TCF20: variants seen among roughly 807,000 people sequenced by gnomAD.
TCF20 encodes transcription factor 20.
In TCF20, 3 loss-of-function variants were observed where a neutral mutation model predicts 148.6. The observed-to-expected ratio is 0.02, with a 90% CI of 0.01 to 0.05. TCF20 has a LOEUF of 0.05. Among genes scored for constraint, TCF20 ranks in the 10% least tolerant of loss-of-function variants. The pLI is 1.00. For synonymous variants in TCF20, 1,049 were observed against 909.5 expected (o/e 1.15, Z -2.76); for missense variants, 2,350 against 2,429.3 (o/e 0.97, Z 0.69).
At chr22:42,251,708 G>C (rs1925386124) in intron 1 of TCF20, among the ~76,000 whole-genome samples, 1 of 150,412 alleles carries the variant, frequency 6.6e-6, no homozygotes, top group South Asian at 2.1e-4. Flanking sequence ...TTGCCATGTT[G>C]GCCAGGCTGG....
chr22:42,194,811 GC>G (rs1448027449), intron 2 of TCF20, among the ~76,000 whole-genome samples: 2 of 151,920 alleles, frequency 1.3e-5, no homozygotes, highest in African/African-American at 4.8e-5. Context: ...TCTAGTAGTG[GC>G]AGGTCCAAGT....
chr22:42,182,939 G>A (rs988771088), intron 2 of TCF20, among the ~76,000 whole-genome samples: 7 of 152,208 alleles, frequency 4.6e-5, no homozygotes, highest in African/African-American at 1.7e-4. Flanking sequence ...GTTTCAACAT[G>A]TTGGCCAGGC....
chr22:42,272,176 C>T (rs946677229), upstream of TCF20, among the ~76,000 whole-genome samples: 10 of 152,350 alleles, frequency 6.6e-5, no homozygotes, highest in Non-Finnish European at 1.2e-4. Context: ...CGGGGCCCTG[C>T]CCTCTGATTA....
At chr22:42,324,846 T>C (rs550602599) in intron 1 of TCF20, among the ~76,000 whole-genome samples, 9 of 152,242 alleles carry the variant, frequency 5.9e-5, no homozygotes, top group African/African-American at 9.6e-5. Context: ...ATTATCTCCA[T>C]CTTGCAGGTG....
intron 1 of TCF20, among the ~76,000 whole-genome samples, chr22:42,259,134 C>CTCCA (rs1312860728): frequency 6.6e-6 from 1 of 152,184 alleles, no homozygotes; most frequent in Non-Finnish European, 1.5e-5. Context: ...CTGGAGTTTC[C>CTCCA]TCCAGCCTGT....
chr22:42,173,325 C>G (rs1258718326), intron 3 of TCF20, among the ~76,000 whole-genome samples: 1 of 150,966 alleles, frequency 6.6e-6, no homozygotes, highest in Middle Eastern at 3.5e-3. Context: ...TATGACATAA[C>G]AAGCAACACA....
chr22:42,218,265 T>A (rs970686388), intron 1 of TCF20, among the ~76,000 whole-genome samples: 2 of 152,202 alleles, frequency 1.3e-5, no homozygotes, highest in African/African-American at 4.8e-5. Context: ...GTCTTCCACA[T>A]GGTCAGTAAA....
intron 1 of TCF20, among the ~76,000 whole-genome samples, chr22:42,231,868 G>T (rs1201300552): frequency 6.8e-6 from 1 of 147,346 alleles, no homozygotes; most frequent in African/African-American, 2.5e-5. Flanking sequence ...GGCGGAGCTT[G>T]CAGTGAGCCA....
At chr22:42,230,996 T>TAA (rs59934107) in intron 1 of TCF20, among the ~76,000 whole-genome samples, 1 of 151,114 alleles carries the variant, frequency 6.6e-6, no homozygotes, top group African/African-American at 2.4e-5. Context: ...CCGTCTCTAC[T>TAA]AAAAAAAACA....
chr22:42,271,619 C>A (rs1926624787), upstream of TCF20, among the ~76,000 whole-genome samples: 1 of 152,202 alleles, frequency 6.6e-6, no homozygotes, highest in South Asian at 2.1e-4. Flanking sequence ...TGACCTTTGA[C>A]CTGGCCAAAT....
upstream of TCF20, among the ~76,000 whole-genome samples, chr22:42,270,708 G>C (rs1926570670): frequency 1.4e-5 from 2 of 143,814 alleles, no homozygotes; most frequent in South Asian, 4.2e-4. Flanking sequence ...CGCGGCGCGC[G>C]GGCGGGCGGG....
At position 42,210,858 on chromosome 22, in the gene TCF20, A is replaced by G; in HGVS notation, c.4448T>C (p.Leu1483Pro). 1 of 1,614,226 alleles carries G rather than the reference A, an allele frequency of 6.2e-7. No homozygotes were observed. Among genetic ancestry groups the G allele is most frequent in the South Asian group, 1.1e-5 (1 of 91,090 alleles). The change falls in exon 2 of 6, where the codon CTG becomes CCG. Residue 1483 changes from leucine (L) to proline (P), a missense_variant. Transcript: ENST00000677622. The surrounding 1 kb of genome is among the most constrained non-coding windows in gnomAD (Gnocchi z 4.7). ...GSNQGRPDGS[L>P]GGTAPLIFPD... ...AAAGATTAAAGGTGCTGTTCCACCCAGGGAACCATCTGGTCTCCCTTGGTT... is the reference window on the plus strand; with the variant it reads ...AAAGATTAAAGGTGCTGTTCCACCCGGGGAACCATCTGGTCTCCCTTGGTT...
chr22:42,251,520 T>TTTTTTTG (rs1555947166), intron 1 of TCF20, among the ~76,000 whole-genome samples: 8 of 115,812 alleles, frequency 6.9e-5, no homozygotes, highest in African/African-American at 2.0e-4. Flanking sequence ...TTTTTTTTTT[T>TTTTTTTG]GAGACAGAAT....
intron 1 of TCF20, among the ~76,000 whole-genome samples, chr22:42,282,901 C>CGG (rs134895): frequency 0.66 from 100,324 of 151,842 alleles, 33,858 homozygotes; most frequent in Non-Finnish European, 0.74. Context: ...CCAAATAAAG[C>CGG]CCCACGCCGC....
In TCF20 at chr22:42,212,564, C is replaced by A; in HGVS notation, c.2742G>T (p.Leu914Phe). Reference sequence around the variant, plus strand: ...ATTTCAGCTTGGTTTCCATGGACACCAAACCACCAGGAAGAATGACCGACT... The same window carrying A: ...ATTTCAGCTTGGTTTCCATGGACACAAAACCACCAGGAAGAATGACCGACT... ...LSQSVILPGG[L>F]VSMETKLKSQ... is the part of the protein sequence containing the mutation. Residue 914 changes from leucine to phenylalanine, a missense_variant, in exon 2 of 6, where the codon TTG becomes TTT. Transcript: ENST00000677622. The A allele has an allele frequency of 6.2e-7, 1 of 1,613,972 alleles. No individual in the cohort carries two copies. Among genetic ancestry groups the A allele is most frequent in the Non-Finnish European group, 8.5e-7 (1 of 1,179,862 alleles).
At chr22:42,170,342 A>G (rs1936049631) in intron 3 of TCF20, among the ~76,000 whole-genome samples, 1 of 151,674 alleles carries the variant, frequency 6.6e-6, no homozygotes, top group African/African-American at 2.4e-5. Flanking sequence ...TATTAAAAAA[A>G]AAAAAAAAAA....
chr22:42,187,498 C>T (rs1022225864), intron 2 of TCF20, among the ~76,000 whole-genome samples: 2 of 152,088 alleles, frequency 1.3e-5, no homozygotes, highest in Non-Finnish European at 2.9e-5. Flanking sequence ...GGTAGCTGGC[C>T]CCAGAAGTGG....
intron 2 of TCF20, among the ~76,000 whole-genome samples, chr22:42,202,612 C>T (rs17002875): frequency 7.2e-5 from 11 of 152,342 alleles, no homozygotes; most frequent in East Asian, 1.9e-4. Context: ...TCTTCTCATA[C>T]GTTTTTCCAA....
intron 2 of TCF20, among the ~76,000 whole-genome samples, chr22:42,196,865 G>A (rs929144118): frequency 5.9e-5 from 9 of 152,110 alleles, no homozygotes; most frequent in African/African-American, 2.2e-4. Flanking sequence ...CTTCAGATTT[G>A]AGTTCGGCTG....
Sources: gnomAD v4.1 joint callset for allele counts (sites outside exome capture counted in the v4.1 genomes callset) on GRCh38, gnomAD v4.1.1 for gene constraint, Gnocchi (gnomAD v3.1) non-coding constraint, MANE v1.5 for transcripts, NCBI Gene and HGNC (gene_info 2026-07-23, HGNC 2026-07-21) for gene names.